The following CRK variants were observed in gnomAD, a reference collection of about 807,000 sequenced individuals.
The protein encoded by CRK is CRK proto-oncogene, adaptor protein, also known as adapter molecule crk.
In CRK, 4 loss-of-function variants were observed where a neutral mutation model predicts 29.8. The observed-to-expected ratio is 0.13, with a 90% CI of 0.07 to 0.31. The LOEUF (loss-of-function observed/expected upper bound fraction) is 0.31. CRK is among the 10% of genes least tolerant of loss of function. The pLI is 1.00. For missense variants in CRK, 274 were observed against 396.5 expected (o/e 0.69, Z 2.62); for synonymous variants, 153 against 164.9 (o/e 0.93, Z 0.55).
intron 2 of CRK, among the ~76,000 whole-genome samples, chr17:1,425,597 C>CAT (rs1335188774): frequency 6.6e-6 from 1 of 152,180 alleles, no homozygotes; most frequent in Non-Finnish European, 1.5e-5. Context: ...TTATGCATTT[C>CAT]ATACAGTATC....
chr17:1,425,225 G>T (rs58312879), intron 2 of CRK, among the ~76,000 whole-genome samples: 1 of 151,706 alleles, frequency 6.6e-6, no homozygotes, highest in Non-Finnish European at 1.5e-5. Context: ...TAGTAGCTGG[G>T]ACTACAGCCG....
Position 1,455,858 on chromosome 17 carries a change from C to CGTCCCGTCA in CRK, c.241+10_241+18dup, listed in dbSNP as rs749398209. On this transcript the variant is annotated intron_variant, in intron 1 of 2. Transcript: ENST00000300574. ...GGCCCTCACCCCGCCCAGGGCCCGC[C>CGTCCCGTCA]GTCCCGTCAGTCCCTCACCGGGCGG... The CGTCCCGTCA allele has an allele frequency of 1.4e-5, 21 of 1,541,022 alleles. No individual in the cohort carries two copies. In the Admixed American group the frequency reaches 4.1e-4, roughly 30 times the overall value.
chr17:1,440,268 C>T (rs2073924173), intron 1 of CRK, among the ~76,000 whole-genome samples: 1 of 151,146 alleles, frequency 6.6e-6, no homozygotes, highest in Non-Finnish European at 1.5e-5. Flanking sequence ...CACTGCACTC[C>T]AGCCTGGGCG....
At chr17:1,424,261 T>C (rs2073755443) in intron 2 of CRK, among the ~76,000 whole-genome samples, 1 of 152,006 alleles carries the variant, frequency 6.6e-6, no homozygotes, top group African/African-American at 2.4e-5. Context: ...GAGATGGAGT[T>C]TCACCATCTT....
Position 1,436,778 on chromosome 17 carries a change from C to A in CRK, c.619G>T (p.Gly207Cys), listed in dbSNP as rs1422122098. 12 of 1,584,218 alleles carry A rather than the reference C, an allele frequency of 7.6e-6. No homozygotes were observed. Among genetic ancestry groups the A allele is most frequent in the Non-Finnish European group, 1.0e-5 (12 of 1,167,542 alleles). ...CCACCCAGTGGCTGTGGGTGGGAAC[C>A]CTCCTGGTTACCTCCAATCAGAGCC... ...VSALIGGNQE[G>C]SHPQPLGGPE... The change falls in exon 2 of 3, where the codon GGT (glycine) becomes TGT (cysteine). Residue 207 changes from glycine to cysteine, a missense_variant. Physicochemically the swap from Gly to Cys is radical, Grantham distance 159 (BLOSUM62 -3). Transcript: ENST00000300574.
intron 2 of CRK, among the ~76,000 whole-genome samples, chr17:1,434,458 A>G (rs1178458396): frequency 6.6e-6 from 1 of 152,174 alleles, no homozygotes; most frequent in Non-Finnish European, 1.5e-5. Context: ...GACCACACAT[A>G]GTACATATGT....
intron 2 of CRK, among the ~76,000 whole-genome samples, chr17:1,431,004 C>G (rs540531651): frequency 1.3e-5 from 2 of 152,024 alleles, no homozygotes; most frequent in South Asian, 4.2e-4. Flanking sequence ...GGAGGCGGAG[C>G]TCGCAGTGAG....
At chr17:1,433,120 A>G (rs2073859410) in intron 2 of CRK, among the ~76,000 whole-genome samples, 1 of 152,234 alleles carries the variant, frequency 6.6e-6, no homozygotes. Flanking sequence ...GAATTGGTAC[A>G]GGAACAAAAG....
At chr17:1,448,405 A>AC (rs1291855887) in intron 1 of CRK, among the ~76,000 whole-genome samples, 2 of 151,934 alleles carry the variant, frequency 1.3e-5, no homozygotes, top group Non-Finnish European at 2.9e-5. Context: ...CAGGCAAATC[A>AC]CTGAGGTCAG....
chr17:1,451,214 A>G (rs1223203487), intron 1 of CRK, among the ~76,000 whole-genome samples: 2 of 149,666 alleles, frequency 1.3e-5, no homozygotes, highest in African/African-American at 2.5e-5. Flanking sequence ...AAAAAAAAGC[A>G]ATAACAATTT....
At chr17:1,437,521 GAGGAGGCC>G (rs993294875) in intron 1 of CRK, among the ~76,000 whole-genome samples, 4 of 152,126 alleles carry the variant, frequency 2.6e-5, no homozygotes, top group African/African-American at 9.7e-5. Flanking sequence ...AGGGAAGGAT[GAGGAGGCC>G]AGGAGACTAG....
chr17:1,442,730 C>T, intron 1 of CRK, among the ~76,000 whole-genome samples: 1 of 151,022 alleles, frequency 6.6e-6, no homozygotes, highest in Non-Finnish European at 1.5e-5. Flanking sequence ...GCCTCAGCGC[C>T]CCAAGTAGCT....
chr17:1,455,282 C>G (rs1486274254), intron 1 of CRK, among the ~76,000 whole-genome samples: 1 of 152,172 alleles, frequency 6.6e-6, no homozygotes, highest in Non-Finnish European at 1.5e-5. Flanking sequence ...CTTAGTTCAC[C>G]ACCTTCGTCC....
intron 2 of CRK, among the ~76,000 whole-genome samples, chr17:1,435,503 A>G (rs1263841959): frequency 6.6e-6 from 1 of 152,086 alleles, no homozygotes; most frequent in Non-Finnish European, 1.5e-5. Flanking sequence ...AGTAAGATCC[A>G]TCATACACAC....
In CRK at chr17:1,420,800, T is replaced by A. The variant is rs1457000171; in HGVS notation, c.*2713A>T. ...ACCAAAAAAAATTTTTTTTTAAATT[T>A]AACTGTCAAGAAAGTGTATAGTGTT... On this transcript the variant is annotated 3_prime_UTR_variant, in exon 3 of 3. Coordinates refer to ENST00000300574, the MANE Select transcript of CRK (RefSeq NM_016823.4). 1 of 152,162 alleles carries A rather than the reference T, an allele frequency of 6.6e-6. No individual in the cohort carries two copies. The allele number at this position is 152,162 out of a possible 1,614,324, so 9.4% of individuals were successfully genotyped here. A position where few individuals can be genotyped will look rare whatever the true frequency, so the allele number is the denominator to read the frequency against.
intron 1 of CRK, among the ~76,000 whole-genome samples, chr17:1,455,217 A>C (rs1370983424): frequency 6.6e-6 from 1 of 152,184 alleles, no homozygotes; most frequent in Admixed American, 6.5e-5. Context: ...GCATCGCCTT[A>C]AACTGGGTTG....
At chr17:1,427,462 G>A (rs1213585395) in intron 2 of CRK, among the ~76,000 whole-genome samples, 1 of 150,550 alleles carries the variant, frequency 6.6e-6, no homozygotes, top group East Asian at 2.0e-4. Context: ...GCGTGCTGGC[G>A]GGCGCCTGTA....
chr17:1,430,833 C>G (rs182564909), intron 2 of CRK, among the ~76,000 whole-genome samples: 16 of 151,046 alleles, frequency 1.1e-4, no homozygotes, highest in African/African-American at 2.7e-4. Flanking sequence ...TTTGGGAGGC[C>G]GAGGTGGGTG....
chr17:1,450,129 C>T lies in CRK; in HGVS notation c.241+5748G>A, dbSNP rs565221040. Among the ~76,000 whole-genome samples the T allele has an allele frequency of 5.3e-5, 8 of 152,164 alleles. No individual in the cohort carries two copies. The South Asian group carries it at 1.0e-3, about 20-fold the overall frequency. ...GCTGAGGCAGGAGAATGGCTTGACCCGGGAGGGGGAGGTTGCAGTGAGCTG... is the reference window on the plus strand; with the variant it reads ...GCTGAGGCAGGAGAATGGCTTGACCTGGGAGGGGGAGGTTGCAGTGAGCTG... On this transcript the variant is annotated intron_variant, in intron 1 of 2. Transcript: ENST00000300574.
Sources: allele counts gnomAD v4.1 joint callset (sites outside exome capture counted in the v4.1 genomes callset), GRCh38; gene constraint gnomAD v4.1.1; transcripts MANE v1.5; gene names NCBI Gene and HGNC (gene_info 2026-07-23, HGNC 2026-07-21).